SPTY2D1: variants seen among roughly 807,000 people sequenced by gnomAD.
The protein encoded by SPTY2D1 is SPT2 chromatin protein domain containing 1.
In SPTY2D1, 21 loss-of-function variants were observed where a neutral mutation model predicts 64.0. The observed-to-expected ratio is 0.33, with a 90% confidence interval of 0.23 to 0.47. The LOEUF is 0.47. Ranked by LOEUF, SPTY2D1 falls within the 20% of genes least tolerant of loss-of-function variation. The pLI, the probability that SPTY2D1 is intolerant of heterozygous loss-of-function variation, is 1.00. For synonymous variants in SPTY2D1, 287 were observed against 286.8 expected (o/e 1.00, Z -0.01); for missense variants, 724 against 837.2 (o/e 0.86, Z 1.67).
In SPTY2D1 at chr11:18,634,308, G is replaced by A. The variant is rs375178167; in HGVS notation, c.-51C>T. 205 of 1,602,592 alleles carry A rather than the reference G, an allele frequency of 1.3e-4. 3 individuals carry two copies. The highest frequency in any genetic ancestry group is 6.0e-4 in the East Asian group (27 of 44,818). On this transcript the variant is annotated 5_prime_UTR_variant, in exon 1 of 6. Coordinates refer to ENST00000336349, the MANE Select transcript of SPTY2D1 (RefSeq NM_194285.3). ...GCCAGGCACTCGGAAAGGACTGACA[G>A]CGCACCTAACCGAGGCGCCCAGCTA...
chr11:18,632,152 T>TAA (rs879568614), intron 1 of SPTY2D1, among the ~76,000 whole-genome samples: 14 of 143,118 alleles, frequency 9.8e-5, no homozygotes, highest in African/African-American at 3.4e-4. Context: ...GACTCTATCT[T>TAA]AAAAAAAAAA....
Position 18,632,521 on chromosome 11 carries a change from G to T in SPTY2D1, c.60+1677C>A, listed in dbSNP as rs1854605215. Among the ~76,000 whole-genome samples the T allele has an allele frequency of 2.6e-5, 4 of 152,122 alleles. No individual in the cohort carries two copies. The South Asian group carries it at 8.3e-4, about 32-fold the overall frequency. Reference sequence around the variant, plus strand: ...ACACCACCATGCCCGGCTAATTTTTGTATTTTTAGTAGAGATGGGGTTTCA... The same window carrying T: ...ACACCACCATGCCCGGCTAATTTTTTTATTTTTAGTAGAGATGGGGTTTCA... On this transcript the variant is annotated intron_variant, in intron 1 of 5. Transcript: ENST00000336349.
rs143411987 is a variant in SPTY2D1, at chr11:18,629,571, C to G, written c.60+4627G>C. ...TCTAAGCTCTAGTATTCTACCAAAA[C>G]AAGTTAACTACTTTGTTTTTCCTAC... On this transcript the variant is annotated intron_variant, in intron 1 of 5. Transcript: ENST00000336349. 9.3e-4 allele frequency among the ~76,000 whole-genome samples: 141 copies of G among 152,264 alleles called. No individual in the cohort carries two copies. In the South Asian group the frequency reaches 0.011, roughly 11 times the overall value.
Position 18,615,318 on chromosome 11 carries a change from G to A in SPTY2D1, c.956C>T (p.Thr319Ile), listed in dbSNP as rs777519672. 1.5e-5 allele frequency: 25 copies of A among 1,614,112 alleles called. No homozygotes were observed. In the African/African-American group the frequency reaches 1.9e-4, roughly 12 times the overall value. ...AGTCTTTGGGACACTTGGTGAAGAG[G>A]TGCTGGAATGAGGCTTTCCAGCTCC... ...FNGAGKPHSS[T>I]SSPSVPKTSA... The change falls in exon 3 of 6, where the codon ACC becomes ATC. Residue 319 changes from threonine (T) to isoleucine (I), a missense_variant. Thr to Ile is a moderately conservative substitution (Grantham distance 89, BLOSUM62 -1). Transcript: ENST00000336349.
Position 18,614,894 on chromosome 11 carries a change from G to A in SPTY2D1, c.1380C>T (p.Gly460=). ...CAGGCCGGCCAGGGCCACGAGAGCT[G>A]CCCAAGGGTCTTGCAGAACTAACTG... is the stretch of plus-strand genomic sequence containing the variant. ...SGSVSSARPL[G]SSRGPGRPVS... is the part of the protein sequence containing the mutation. Residue 460 remains glycine, a synonymous_variant, in exon 3 of 6, where the codon GGC becomes GGT. Coordinates refer to ENST00000336349, the MANE Select transcript of SPTY2D1 (RefSeq NM_194285.3). The A allele has an allele frequency of 6.2e-7, 1 of 1,613,796 alleles. No homozygotes were observed. Among genetic ancestry groups the A allele is most frequent in the South Asian group, 1.1e-5 (1 of 91,080 alleles).
At chr11:18,622,548 A>C (rs1176893881) in intron 1 of SPTY2D1, among the ~76,000 whole-genome samples, 1 of 152,022 alleles carries the variant, frequency 6.6e-6, no homozygotes, top group East Asian at 1.9e-4. Flanking sequence ...CTTTGAGATA[A>C]AATTCATATA....
In SPTY2D1 at chr11:18,615,019, T is replaced by C. The variant is rs1854270818; in HGVS notation, c.1255A>G (p.Thr419Ala). The change falls in exon 3 of 6, where the codon ACC (threonine) becomes GCC (alanine). Residue 419 changes from threonine (T) to alanine (A), a missense_variant. Thr to Ala is a moderately conservative substitution (Grantham distance 58). Around this residue, in one of 3 missense-constraint regions of SPTY2D1, gnomAD observed 426 missense variants for 431.8 expected, o/e 0.99. Coordinates refer to ENST00000336349, the MANE Select transcript of SPTY2D1 (RefSeq NM_194285.3). ...CGCCTAGAGGGATTTGAGTCATTGG[T>C]TGGCTTCTTGGACCCACTGATTGAT... ...ERSISGSKKP[T>A]NDSNPSRRTV... 5 of 1,614,060 alleles carry C rather than the reference T, an allele frequency of 3.1e-6. No homozygotes were observed. The highest frequency in any genetic ancestry group is 4.2e-6 in the Non-Finnish European group (5 of 1,180,056).
Position 18,606,925 on chromosome 11 carries a change from A to G in SPTY2D1, c.*2936T>C. On this transcript the variant is annotated 3_prime_UTR_variant, in exon 6 of 6. Transcript: ENST00000336349. The stretch of plus-strand genomic sequence containing the variant: ...ACCCAGCCTGGAGTGCAGTGGTGCT[A>G]TCTTGGCTGACTGCAACCTCCGCCT... 3 of 306,190 alleles carry G rather than the reference A, an allele frequency of 9.8e-6. No individual in the cohort carries two copies. The highest frequency in any genetic ancestry group is 5.4e-5 in the South Asian group (2 of 37,180). 19.0% of individuals were successfully genotyped at this position (306,190 alleles called of 1,614,324 possible).
chr11:18,616,224 G>T, intron 2 of SPTY2D1, 126 bp from the exon 3 acceptor site: 1 of 845,090 alleles, frequency 1.2e-6, no homozygotes, highest in Non-Finnish European at 1.8e-6. Flanking sequence ...GAAGTCATGT[G>T]AACAAGTATC....
Position 18,609,648 on chromosome 11 carries a change from G to A in SPTY2D1, c.*213C>T. 2 of 571,416 alleles carry A rather than the reference G, an allele frequency of 3.5e-6. No individual in the cohort carries two copies. The highest frequency in any genetic ancestry group is 2.9e-5 in the East Asian group (1 of 34,122). 35.4% of individuals were successfully genotyped at this position (571,416 alleles called of 1,614,324 possible). Reference sequence around the variant, plus strand: ...AACAGTTAACTTCATAAGAGCACAAGTGGGCATTATATCATCTGCATTACA... The same window carrying A: ...AACAGTTAACTTCATAAGAGCACAAATGGGCATTATATCATCTGCATTACA... On this transcript the variant is annotated 3_prime_UTR_variant, in exon 6 of 6. Transcript: ENST00000336349.
At chr11:18,630,126 G>A (rs949948988) in intron 1 of SPTY2D1, among the ~76,000 whole-genome samples, 1 of 151,536 alleles carries the variant, frequency 6.6e-6, no homozygotes, top group African/African-American at 2.4e-5. Flanking sequence ...CCAAGACCAT[G>A]CCACTGCACT....
chr11:18,619,411 G>C (rs780182684), intron 1 of SPTY2D1, among the ~76,000 whole-genome samples: 3 of 149,342 alleles, frequency 2.0e-5, no homozygotes, highest in Non-Finnish European at 3.0e-5. Flanking sequence ...TTGAGCCCAG[G>C]AGTTAAGACG....
At chr11:18,614,010 C>T (rs1368641955) in intron 3 of SPTY2D1, among the ~76,000 whole-genome samples, 7 of 152,190 alleles carry the variant, frequency 4.6e-5, no homozygotes, top group East Asian at 1.9e-4. Context: ...ATGTAAGTCA[C>T]GTACATTCAC....
At chr11:18,623,014 C>T (rs1337884896) in intron 1 of SPTY2D1, among the ~76,000 whole-genome samples, 2 of 151,806 alleles carry the variant, frequency 1.3e-5, no homozygotes, top group Non-Finnish European at 2.9e-5. Context: ...TAACTTTTGA[C>T]TGCCTAAAAA....
intron 1 of SPTY2D1, among the ~76,000 whole-genome samples, chr11:18,627,871 T>G (rs1854523523): frequency 7.8e-6 from 1 of 127,790 alleles, no homozygotes; most frequent in South Asian, 2.8e-4. Context: ...AGAGCAAGAC[T>G]CCGTCTCAAA....
chr11:18,609,251 T>C lies in SPTY2D1; in HGVS notation c.*610A>G, dbSNP rs1275880944. The stretch of plus-strand genomic sequence containing the variant: ...ATTAATTCCTAGCCACCTAAATTAA[T>C]GAGTAAGAATGCTCAGCATCCAATC... On this transcript the variant is annotated 3_prime_UTR_variant, in exon 6 of 6. Coordinates refer to ENST00000336349, the MANE Select transcript of SPTY2D1 (RefSeq NM_194285.3). 1 of 152,680 alleles carries C rather than the reference T, an allele frequency of 6.5e-6. No individual in the cohort carries two copies. Among genetic ancestry groups the C allele is most frequent in the Non-Finnish European group, 1.5e-5 (1 of 68,138 alleles). 9.5% of individuals were successfully genotyped at this position (152,680 alleles called of 1,614,324 possible). A position where few individuals can be genotyped will look rare whatever the true frequency, so the allele number is the denominator to read the frequency against.
At position 18,612,317 on chromosome 11, in the gene SPTY2D1, T is replaced by C. The variant is rs933620221; in HGVS notation, c.1883A>G (p.Lys628Arg). Reference sequence around the variant, plus strand: ...TCTGAATCTTCTTTAGTCTTACTTTTTTCGGTCATAACCAAAGATTTCTCT... The same window carrying C: ...TCTGAATCTTCTTTAGTCTTACTTTCTTCGGTCATAACCAAAGATTTCTCT... ...HIREIFGYDR[K>R]KYKDESDYAL... The change falls in exon 4 of 6, where the codon AAA (lysine) becomes AGA (arginine). Residue 628 changes from lysine (K) to arginine (R), a missense_variant. Around this residue, in one of 3 missense-constraint regions of SPTY2D1, gnomAD observed 119 missense variants for 172.9 expected, o/e 0.69. Transcript: ENST00000336349. The surrounding 1 kb of genome is among the most constrained non-coding windows in gnomAD (Gnocchi z 4.6). The C allele has an allele frequency of 1.9e-6, 3 of 1,587,402 alleles. No homozygotes were observed. Among genetic ancestry groups the C allele is most frequent in the Non-Finnish European group, 2.6e-6 (3 of 1,170,846 alleles).
chr11:18,609,824 G>C lies in SPTY2D1; in HGVS notation c.*37C>G. 2 of 1,588,866 alleles carry C rather than the reference G, an allele frequency of 1.3e-6. No homozygotes were observed. Among genetic ancestry groups the C allele is most frequent in the Admixed American group, 3.4e-5 (2 of 59,424 alleles). ...CTGAAGGCAGGAAATCCTTGCAGCA[G>C]AGCAGCTCTAGAATTTCACAAAAAT... On this transcript the variant is annotated 3_prime_UTR_variant, in exon 6 of 6. Transcript: ENST00000336349.
Position 18,614,478 on chromosome 11 carries a change from G to A in SPTY2D1, c.1711+85C>T. On this transcript the variant is annotated intron_variant, in intron 3 of 5. Transcript: ENST00000336349. ...CACATTAAAGGACAGCACATGAGGG[G>A]TTCAAAGGGTCCCTGATAATATAAA... 13 of 1,332,786 alleles carry A rather than the reference G, an allele frequency of 9.8e-6. No homozygotes were observed. In the East Asian group the frequency reaches 1.6e-4, roughly 17 times the overall value. 82.6% of individuals were successfully genotyped at this position (1,332,786 alleles called of 1,614,324 possible).
Sources: allele counts gnomAD v4.1 joint callset (sites outside exome capture counted in the v4.1 genomes callset), GRCh38; gene constraint gnomAD v4.1.1; regional missense constraint gnomAD v4.1.1; non-coding constraint Gnocchi (gnomAD v3.1); transcripts MANE v1.5; gene names NCBI Gene and HGNC (gene_info 2026-07-23, HGNC 2026-07-21).